SLC25A43: variants seen among roughly 807,000 people sequenced by gnomAD.
SLC25A43 encodes the protein solute carrier family 25 member 43.
In SLC25A43, 10 loss-of-function variants were observed where a neutral mutation model predicts 22.8. That is an observed-to-expected ratio of 0.44 (90% CI 0.27 to 0.74). SLC25A43 has a LOEUF of 0.74. Among genes scored for constraint, SLC25A43 ranks in the 30% least tolerant of loss-of-function variants. The pLI is 0.17. For synonymous variants in SLC25A43, 106 were observed against 121.6 expected, an observed-to-expected ratio of 0.87 and a Z score of 0.84; for missense variants, 233 against 279.1, an observed-to-expected ratio of 0.83 and a Z score of 1.18.
intron 3 of SLC25A43, among the ~76,000 whole-genome samples, chrX:119,431,243 C>T (rs1038943779): frequency 1.8e-5 from 2 of 112,272 alleles, no homozygotes; most frequent in African/African-American, 6.5e-5. Context: ...GTGGGCCAGG[C>T]GCAGTGGCTC....
chrX:119,433,727 C>T (rs2052574082), intron 3 of SLC25A43, among the ~76,000 whole-genome samples: 1 of 111,794 alleles, frequency 8.9e-6, no homozygotes, highest in Admixed American at 9.6e-5. Context: ...AGGGCAGAGA[C>T]TGAAGGTCAA....
intron 3 of SLC25A43, among the ~76,000 whole-genome samples, chrX:119,428,979 A>G (rs977503981): frequency 1.8e-5 from 2 of 111,584 alleles, no homozygotes; most frequent in African/African-American, 6.5e-5. Flanking sequence ...CGGCAAAACC[A>G]GTCCCTGGTG....
chrX:119,400,493 G>T (rs1204141186), intron 1 of SLC25A43, among the ~76,000 whole-genome samples: 1 of 112,142 alleles, frequency 8.9e-6, no homozygotes, highest in African/African-American at 3.2e-5. Flanking sequence ...TTCTGTATTG[G>T]GGGGACGGTC....
chrX:119,453,076 A>G lies in SLC25A43; in HGVS notation c.*11A>G. The G allele has an allele frequency of 8.5e-7, 1 of 1,170,236 alleles. No homozygotes were observed. Among genetic ancestry groups the G allele is most frequent in the Non-Finnish European group, 1.2e-6 (1 of 858,111 alleles). On this transcript the variant is annotated 3_prime_UTR_variant, in exon 5 of 5. Transcript: ENST00000217909. ...AAACCAACTCTATAAAATGGAATGG[A>G]ACTAGAAGTGCACTGACTGACAGCA...
intron 2 of SLC25A43, among the ~76,000 whole-genome samples, chrX:119,408,565 C>T (rs1174936194): frequency 8.9e-6 from 1 of 111,968 alleles, no homozygotes. Flanking sequence ...GGGCCTGGCA[C>T]ATAACCTAAG....
chrX:119,453,294 G>A lies in SLC25A43; in HGVS notation c.*229G>A. 5.0e-6 allele frequency: 2 copies of A among 403,775 alleles called. No individual in the cohort carries two copies. Among genetic ancestry groups the A allele is most frequent in the East Asian group, 4.0e-5 (1 of 24,696 alleles). 33.3% of individuals were successfully genotyped at this position (403,775 alleles called of 1,213,427 possible). On this transcript the variant is annotated 3_prime_UTR_variant, in exon 5 of 5. Coordinates refer to ENST00000217909, the MANE Select transcript of SLC25A43 (RefSeq NM_145305.3). ...AGAGTGTATCATGATGGCATTCCAC[G>A]AGATTTTATAACCAGAGTCTAGCAG...
chrX:119,421,622 G>A (rs184568500), intron 3 of SLC25A43, among the ~76,000 whole-genome samples: 81 of 111,845 alleles, frequency 7.2e-4, no homozygotes, highest in South Asian at 3.7e-3. Context: ...CTCAGTGATG[G>A]CTGTCTTTTC....
intron 3 of SLC25A43, among the ~76,000 whole-genome samples, chrX:119,433,446 C>G (rs191236614): frequency 7.9e-4 from 89 of 112,023 alleles, no homozygotes; most frequent in African/African-American, 2.7e-3. Flanking sequence ...TCCCAAATAG[C>G]TGGGTACTGT....
At chrX:119,426,551 G>A (rs1446030113) in intron 3 of SLC25A43, among the ~76,000 whole-genome samples, 2 of 111,816 alleles carry the variant, frequency 1.8e-5, no homozygotes, top group African/African-American at 3.2e-5. Context: ...GGCCGGGCGC[G>A]GCGACTCACG....
At chrX:119,419,219 C>T (rs217992) in intron 3 of SLC25A43, among the ~76,000 whole-genome samples, 3,613 of 109,844 alleles carry the variant, frequency 0.033, 136 homozygotes, top group African/African-American at 0.11. Context: ...TCGGTCCCCC[C>T]ACAACTCTGC....
intron 1 of SLC25A43, 108 bp downstream of exon 1, chrX:119,399,786 A>G: frequency 1.2e-6 from 1 of 869,420 alleles, no homozygotes; most frequent in Non-Finnish European, 1.5e-6. Context: ...TGGAGTAGGG[A>G]CGGCCCCCTT....
chrX:119,425,107 G>A (rs1290706760), intron 3 of SLC25A43, among the ~76,000 whole-genome samples: 3 of 112,214 alleles, frequency 2.7e-5, no homozygotes, highest in Non-Finnish European at 5.6e-5. Flanking sequence ...CCTGGGGTCT[G>A]CTTTAGTCCC....
intron 3 of SLC25A43, among the ~76,000 whole-genome samples, chrX:119,422,354 C>T (rs933141882): frequency 1.8e-4 from 20 of 111,980 alleles, no homozygotes; most frequent in Middle Eastern, 4.6e-3. Flanking sequence ...CTATCAAAGC[C>T]GCCTCCTGAA....
rs144276640 is a variant in SLC25A43, at chrX:119,452,777, A to G, written c.826-88A>G. 601 of 724,662 alleles carry G rather than the reference A, an allele frequency of 8.3e-4. 4 individuals carry two copies. The East Asian group carries it at 0.018, about 22-fold the overall frequency. The allele number at this position is 724,662 out of a possible 1,213,427, so 59.7% of individuals were successfully genotyped here. ...CACCGCCATTATCTCACTTTACAAG[A>G]TAATTTACCCTGATCCAAGTTGACT... is the stretch of plus-strand genomic sequence containing the variant. On this transcript the variant is annotated intron_variant, in intron 4 of 4. Coordinates refer to ENST00000217909, the MANE Select transcript of SLC25A43 (RefSeq NM_145305.3).
At chrX:119,443,744 TTA>T (rs1489769507) in intron 3 of SLC25A43, among the ~76,000 whole-genome samples, 9 of 105,494 alleles carry the variant, frequency 8.5e-5, no homozygotes, top group Admixed American at 3.1e-4. Context: ...ATTTATTTAT[TTA>T]TTTATTTTTA....
chrX:119,452,215 A>C, intron 4 of SLC25A43, 72 bp downstream of exon 4: 1 of 1,095,869 alleles, frequency 9.1e-7, no homozygotes, highest in Non-Finnish European at 1.2e-6. Context: ...GTCACCCCCA[A>C]CCCCTACTAC....
At chrX:119,401,109 G>A (rs1391915699) in intron 1 of SLC25A43, among the ~76,000 whole-genome samples, 2 of 111,588 alleles carry the variant, frequency 1.8e-5, no homozygotes, top group Non-Finnish European at 3.8e-5. Flanking sequence ...AAGGTCCATA[G>A]GACAGGAAGC....
chrX:119,423,022 AT>A (rs1329945600), intron 3 of SLC25A43: 2 of 111,370 alleles, frequency 1.8e-5, no homozygotes, highest in African/African-American at 6.5e-5. Context: ...TGGTTGCAGA[AT>A]CCCTCTCTGA....
In SLC25A43 at chrX:119,399,565, C is replaced by T; in HGVS notation, c.162C>T (p.Ala54=). The change falls in exon 1 of 5, where the codon GCC becomes GCT. Residue 54 remains alanine (A), a synonymous_variant. Transcript: ENST00000217909. The part of the protein sequence containing the change: ...VVRGHARGPW[A]TGHRVWRAEG... The stretch of plus-strand genomic sequence containing the variant: ...GAGGCCACGCCCGGGGACCGTGGGC[C>T]ACAGGGCACCGGGTGTGGCGGGCAG... 9.5e-7 allele frequency: 1 copy of T among 1,054,790 alleles called. No homozygotes were observed. 86.9% of individuals were successfully genotyped at this position (1,054,790 alleles called of 1,213,427 possible).
Sources: allele counts gnomAD v4.1 joint callset (sites outside exome capture counted in the v4.1 genomes callset), GRCh38; gene constraint gnomAD v4.1.1; transcripts MANE v1.5; gene names NCBI Gene and HGNC (gene_info 2026-07-23, HGNC 2026-07-21).